Variants in TTC1 observed in about 807,000 individuals in gnomAD.
TTC1 encodes tetratricopeptide repeat protein 1.
In TTC1, 31 loss-of-function variants were observed where a neutral mutation model predicts 37.6. The observed-to-expected ratio is 0.82, with a 90% CI of 0.62 to 1.11. The LOEUF is 1.11. TTC1 is among the 50% of genes most tolerant of loss of function. The probability of loss-of-function intolerance (pLI) is 0.00; values close to 1 mark genes in which losing one functional copy is unlikely to be tolerated. For synonymous variants in TTC1, 127 were observed against 122.4 expected (o/e 1.04, Z -0.25); for missense variants, 351 against 339.0 (o/e 1.04, Z -0.28).
At chr5:160,061,446 T>C (rs1214580503) in intron 7 of TTC1, among the ~76,000 whole-genome samples, 1 of 152,238 alleles carries the variant, frequency 6.6e-6, no homozygotes, top group Non-Finnish European at 1.5e-5. Context: ...TTTTGGTGTA[T>C]AGACCATGTC....
chr5:160,034,625 G>T (rs1419825826), intron 2 of TTC1, among the ~76,000 whole-genome samples: 1 of 152,158 alleles, frequency 6.6e-6, no homozygotes, highest in African/African-American at 2.4e-5. Context: ...GCTAGTCACT[G>T]TATGGGCAGC....
At chr5:160,009,358 GAA>G (rs1187942571) in intron 1 of TTC1, among the ~76,000 whole-genome samples, 165 bp downstream of exon 1, 1 of 152,174 alleles carries the variant, frequency 6.6e-6, no homozygotes, top group Non-Finnish European at 1.5e-5. Context: ...CTGTGGAGGC[GAA>G]GTCTCCGTAT....
At chr5:160,050,750 T>A (rs552630740) in intron 6 of TTC1, among the ~76,000 whole-genome samples, 2 of 151,586 alleles carry the variant, frequency 1.3e-5, no homozygotes, top group South Asian at 4.2e-4. Flanking sequence ...CTCAGCCTCC[T>A]GAGTAGCTGC....
At chr5:160,064,647 A>T (rs1039500961) in intron 7 of TTC1, among the ~76,000 whole-genome samples, 5 of 152,122 alleles carry the variant, frequency 3.3e-5, no homozygotes, top group African/African-American at 1.2e-4. Flanking sequence ...AGCACTGGCC[A>T]GTTAGGACAG....
At chr5:160,041,968 TGC>T (rs1426783689) in intron 4 of TTC1, among the ~76,000 whole-genome samples, 2 of 152,164 alleles carry the variant, frequency 1.3e-5, no homozygotes, top group African/African-American at 2.4e-5. Context: ...CTTGCTCTGT[TGC>T]CCAGGCTTGA....
chr5:160,014,732 G>A (rs747169586), intron 2 of TTC1, among the ~76,000 whole-genome samples: 10 of 151,968 alleles, frequency 6.6e-5, no homozygotes, highest in East Asian at 1.9e-4. Flanking sequence ...TTTTAAAATC[G>A]TCACATGTGG....
At chr5:160,034,942 A>G (rs1756977246) in intron 2 of TTC1, among the ~76,000 whole-genome samples, 198 bp from the exon 3 acceptor site, 1 of 152,226 alleles carries the variant, frequency 6.6e-6, no homozygotes, top group Admixed American at 6.5e-5. Context: ...TTTAAACATC[A>G]AGAATGCAAT....
chr5:160,062,118 A>C (rs1753434139), intron 7 of TTC1: 1 of 152,258 alleles, frequency 6.6e-6, no homozygotes. Context: ...ATACATCTTC[A>C]TGACTGCCAC....
At chr5:160,015,271 C>T (rs1201749725) in intron 2 of TTC1, among the ~76,000 whole-genome samples, 5 of 151,960 alleles carry the variant, frequency 3.3e-5, no homozygotes, top group Non-Finnish European at 5.9e-5. Context: ...TGCAGAGGTG[C>T]GATCATAGTT....
chr5:160,043,035 T>A, intron 4 of TTC1, 98 bp from the exon 5 acceptor site: 1 of 1,237,374 alleles, frequency 8.1e-7, no homozygotes, highest in Non-Finnish European at 1.1e-6. Flanking sequence ...ATTCTGTATC[T>A]CCATAAGCAG....
rs537939095 is a variant in TTC1, at chr5:160,017,903, A to G, written c.330+7045A>G. On this transcript the variant is annotated intron_variant, in intron 2 of 7. Transcript: ENST00000231238. Reference sequence around the variant, plus strand: ...TAGACATTGTTTGAGGCCCTGAGGGATACAGTGGTGAACAAGACAGGGTTT... The same window carrying G: ...TAGACATTGTTTGAGGCCCTGAGGGGTACAGTGGTGAACAAGACAGGGTTT... 9.8e-5 allele frequency among the ~76,000 whole-genome samples: 15 copies of G among 152,304 alleles called. No individual in the cohort carries two copies. The South Asian group carries it at 2.5e-3, about 25-fold the overall frequency.
rs756175816 is a variant in TTC1, at chr5:160,049,505, T to C, written c.542-9T>C. On this transcript the variant is annotated splice_polypyrimidine_tract_variant and intron_variant, in intron 5 of 7. Transcript: ENST00000231238. ...TTTGTGATAAAAATTATTTCTTCTC[T>C]TTTTACAGCAATTCAATTAAACCCC... 1.8e-4 allele frequency: 282 copies of C among 1,557,006 alleles called. No homozygotes were observed. Among genetic ancestry groups the C allele is most frequent in the Non-Finnish European group, 2.4e-4 (277 of 1,159,002 alleles).
intron 4 of TTC1, chr5:160,039,316 T>G (rs1159594419): frequency 6.6e-6 from 1 of 151,652 alleles, no homozygotes; most frequent in Non-Finnish European, 1.5e-5. Context: ...TCCTTATATA[T>G]TATATACATT....
chr5:160,048,866 G>T (rs533967359), intron 5 of TTC1, among the ~76,000 whole-genome samples: 9 of 152,164 alleles, frequency 5.9e-5, no homozygotes, highest in African/African-American at 2.2e-4. Context: ...TAGGAGAATC[G>T]CTTGAACCTG....
chr5:160,060,680 T>G (rs1753343838), intron 7 of TTC1, among the ~76,000 whole-genome samples: 2 of 152,194 alleles, frequency 1.3e-5, no homozygotes, highest in South Asian at 4.1e-4. Context: ...GCACCCAACC[T>G]GACTCTAAAC....
chr5:160,029,529 T>G (rs1756869223), intron 2 of TTC1, among the ~76,000 whole-genome samples: 1 of 149,352 alleles, frequency 6.7e-6, no homozygotes, highest in African/African-American at 2.5e-5. Context: ...GCACCTGTGG[T>G]CCTAGGTACT....
At chr5:160,063,947 C>G (rs1030404443) in intron 7 of TTC1, among the ~76,000 whole-genome samples, 14 of 150,052 alleles carry the variant, frequency 9.3e-5, no homozygotes, top group Admixed American at 7.3e-4. Flanking sequence ...TGGCAAGAAC[C>G]GCTGGCTATA....
chr5:160,054,741 A>G (rs1038088501), intron 7 of TTC1, among the ~76,000 whole-genome samples: 6 of 152,224 alleles, frequency 3.9e-5, no homozygotes, highest in Non-Finnish European at 7.3e-5. Context: ...TTTGAGGAAC[A>G]TAAAGATTTG....
intron 2 of TTC1, among the ~76,000 whole-genome samples, chr5:160,028,621 G>A (rs1408862256): frequency 2.0e-5 from 3 of 152,016 alleles, no homozygotes; most frequent in South Asian, 2.1e-4. Context: ...CCACAGGTGC[G>A]CACCACCACA....
Sources: allele counts gnomAD v4.1 joint callset (sites outside exome capture counted in the v4.1 genomes callset), GRCh38; gene constraint gnomAD v4.1.1; transcripts MANE v1.5; gene names NCBI Gene and HGNC (gene_info 2026-07-23, HGNC 2026-07-21).